Variants in ETFBKMT observed in about 807,000 individuals in gnomAD.
ETFBKMT encodes electron transfer flavoprotein subunit beta lysine methyltransferase.
In ETFBKMT, 13 loss-of-function variants were observed where a neutral mutation model predicts 18.3. The observed-to-expected ratio is 0.71, with a 90% confidence interval of 0.46 to 1.13. The LOEUF is 1.13. ETFBKMT is among the 50% of genes most tolerant of loss of function. ETFBKMT has a pLI of 0.00. For synonymous variants in ETFBKMT, 84 were observed against 107.9 expected (o/e 0.78, Z 1.37); for missense variants, 293 against 306.2 (o/e 0.96, Z 0.32).
intron 1 of ETFBKMT, among the ~76,000 whole-genome samples, chr12:31,661,250 G>A (rs950905151): frequency 3.9e-4 from 60 of 152,190 alleles, no homozygotes; most frequent in African/African-American, 1.4e-3. Flanking sequence ...TGAGGATACT[G>A]AAGGATGACT....
At chr12:31,649,767 T>TCC (rs1167196641) in intron 1 of ETFBKMT, among the ~76,000 whole-genome samples, 1 of 64,592 alleles carries the variant, frequency 1.5e-5, no homozygotes, top group Non-Finnish European at 2.8e-5. Flanking sequence ...TCTTTTCCTT[T>TCC]TCTTTTTTTT....
Position 31,671,985 on chromosome 12 carries a change from C to A in ETFBKMT, c.*3995C>A. 1 of 205,250 alleles carries A rather than the reference C, an allele frequency of 4.9e-6. No homozygotes were observed. The highest frequency in any genetic ancestry group is 9.8e-6 in the Non-Finnish European group (1 of 101,940). 12.7% of individuals were successfully genotyped at this position (205,250 alleles called of 1,614,324 possible). Reference sequence around the variant, plus strand: ...ATACCTACATAGGAGAAGGAAATCTCAAGGGAAAACAGTTAATTTTAAAGT... The same window carrying A: ...ATACCTACATAGGAGAAGGAAATCTAAAGGGAAAACAGTTAATTTTAAAGT... On this transcript the variant is annotated 3_prime_UTR_variant, in exon 4 of 4. Coordinates refer to ENST00000357721, the MANE Select transcript of ETFBKMT (RefSeq NM_001135863.2).
At chr12:31,648,665 C>T (rs1384880676) in intron 1 of ETFBKMT, among the ~76,000 whole-genome samples, 1 of 150,784 alleles carries the variant, frequency 6.6e-6, no homozygotes, top group Non-Finnish European at 1.5e-5. Context: ...GGGTTCTAGC[C>T]ATTCTCCTGC....
chr12:31,670,680 T>C lies in ETFBKMT; in HGVS notation c.*2690T>C, dbSNP rs1217525078. 6.6e-6 allele frequency: 1 copy of C among 152,198 alleles called. No homozygotes were observed. Among genetic ancestry groups the C allele is most frequent in the Admixed American group, 6.6e-5 (1 of 15,266 alleles). 9.4% of individuals were successfully genotyped at this position (152,198 alleles called of 1,614,324 possible). A position where few individuals can be genotyped will look rare whatever the true frequency, so the allele number is the denominator to read the frequency against. ...TTTGTAGACATGGAGTCTTGCTACA[T>C]TGGCCAGGCTGGGTATTACTGGGTA... On this transcript the variant is annotated 3_prime_UTR_variant, in exon 4 of 4. Coordinates refer to ENST00000357721, the MANE Select transcript of ETFBKMT (RefSeq NM_001135863.2).
In ETFBKMT at chr12:31,672,457, GTTAA is replaced by G. The variant is rs1214235748; in HGVS notation, c.*4471_*4474del. The G allele has an allele frequency of 7.2e-6, 7 of 977,076 alleles. No individual in the cohort carries two copies. Among genetic ancestry groups the G allele is most frequent in the Admixed American group, 6.0e-5 (3 of 49,860 alleles). 60.5% of individuals were successfully genotyped at this position (977,076 alleles called of 1,614,324 possible). On this transcript the variant is annotated 3_prime_UTR_variant, in exon 4 of 4. Transcript: ENST00000357721. ...TTCCTCATGTCTAACTGGAGGTGAT[GTTAA>G]TTATTATACAGTTATTTAAAGGATT... is the stretch of plus-strand genomic sequence containing the variant.
At chr12:31,653,136 G>A (rs1220119412) in intron 1 of ETFBKMT, among the ~76,000 whole-genome samples, 1 of 151,512 alleles carries the variant, frequency 6.6e-6, no homozygotes, top group African/African-American at 2.4e-5. Flanking sequence ...TTGAACCCAG[G>A]AGGCAGAGGT....
chr12:31,651,777 G>T (rs1036802247), intron 1 of ETFBKMT, among the ~76,000 whole-genome samples: 2 of 152,162 alleles, frequency 1.3e-5, no homozygotes, highest in African/African-American at 4.8e-5. Flanking sequence ...GAGTTTAGAA[G>T]AAATCACTTA....
upstream of ETFBKMT, among the ~76,000 whole-genome samples, chr12:31,656,783 G>A (rs1333156857): frequency 6.6e-6 from 1 of 152,094 alleles, no homozygotes; most frequent in Non-Finnish European, 1.5e-5. Flanking sequence ...CTTGTCTTCA[G>A]TCTTGCCCCG....
chr12:31,667,558 G>C, intron 3 of ETFBKMT, 89 bp from the exon 4 acceptor site: 1 of 989,808 alleles, frequency 1.0e-6, no homozygotes, highest in Non-Finnish European at 1.5e-6. Context: ...AAAATATATT[G>C]TTAGCAGATC....
intron 1 of ETFBKMT, among the ~76,000 whole-genome samples, chr12:31,651,494 T>C (rs1951017982): frequency 6.6e-6 from 1 of 151,932 alleles, no homozygotes; most frequent in African/African-American, 2.4e-5. Context: ...CACGCATGGC[T>C]AATTTTTGTA....
Position 31,669,673 on chromosome 12 carries a change from GTTTGT to G in ETFBKMT, c.*1687_*1691del, listed in dbSNP as rs929840211. On this transcript the variant is annotated 3_prime_UTR_variant, in exon 4 of 4. Coordinates refer to ENST00000357721, the MANE Select transcript of ETFBKMT (RefSeq NM_001135863.2). ...CCTAGGAGTGGGCCCCCTGGAGTTT[GTTTGT>G]TTTAATTTAACAAAGTTTAATTGAG... 1.3e-5 allele frequency: 2 copies of G among 152,174 alleles called. No individual in the cohort carries two copies. Among genetic ancestry groups the G allele is most frequent in the African/African-American group, 4.8e-5 (2 of 41,448 alleles). 9.4% of individuals were successfully genotyped at this position (152,174 alleles called of 1,614,324 possible).
intron 3 of ETFBKMT, among the ~76,000 whole-genome samples, chr12:31,666,692 C>T (rs1387501206): frequency 2.0e-5 from 3 of 151,980 alleles, no homozygotes; most frequent in African/African-American, 7.3e-5. Context: ...CCTCTGTCAC[C>T]CAGGCTGGAG....
rs1448036358 is a variant in ETFBKMT, at chr12:31,651,465, G to A, written c.-114+4210G>A. On this transcript the variant is annotated intron_variant, in intron 1 of 3. Transcript: ENST00000412352. ...TAGCCTCAGCCTCCCGAATAGCAGG[G>A]ATTACAGGTGCGTGCCACCACGCAT... 2.0e-5 allele frequency among the ~76,000 whole-genome samples: 3 copies of A among 152,142 alleles called. No individual in the cohort carries two copies. In the South Asian group the frequency reaches 6.2e-4, roughly 32 times the overall value.
At position 31,668,098 on chromosome 12, in the gene ETFBKMT, T is replaced by C; in HGVS notation, c.*108T>C. 1 of 881,110 alleles carries C rather than the reference T, an allele frequency of 1.1e-6. No individual in the cohort carries two copies. The highest frequency in any genetic ancestry group is 1.7e-6 in the Non-Finnish European group (1 of 592,078). 54.6% of individuals were successfully genotyped at this position (881,110 alleles called of 1,614,324 possible). On this transcript the variant is annotated 3_prime_UTR_variant, in exon 4 of 4. Coordinates refer to ENST00000357721, the MANE Select transcript of ETFBKMT (RefSeq NM_001135863.2). ...TTTAATGAATGTAATTCTTGTTAAA[T>C]GGAAAATCTTGTTTTTAAAATATGA...
intron 1 of ETFBKMT, among the ~76,000 whole-genome samples, chr12:31,650,698 AAGG>A (rs1166456464): frequency 6.6e-6 from 1 of 151,436 alleles, no homozygotes; most frequent in Non-Finnish European, 1.5e-5. Context: ...AAGGAGGGAT[AAGG>A]AGGTTAGTTC....
intron 2 of ETFBKMT, among the ~76,000 whole-genome samples, chr12:31,664,590 C>T (rs1951169619): frequency 6.6e-6 from 1 of 150,644 alleles, no homozygotes. Context: ...TTAGGAGGCA[C>T]AGTATTTATA....
chr12:31,664,679 CA>C (rs1951171717), intron 2 of ETFBKMT, among the ~76,000 whole-genome samples: 1 of 147,264 alleles, frequency 6.8e-6, no homozygotes, highest in Non-Finnish European at 1.5e-5. Context: ...TGCAATGGCA[CA>C]ATCTTGGCAG....
chr12:31,647,438 A>G (rs1436523969), intron 1 of ETFBKMT, among the ~76,000 whole-genome samples: 1 of 152,186 alleles, frequency 6.6e-6, no homozygotes, highest in African/African-American at 2.4e-5. Context: ...CCAGCTATTT[A>G]TGAGCCCTCA....
intron 2 of ETFBKMT, 31 bp from the exon 3 acceptor site, chr12:31,666,056 C>T (rs1951190192): frequency 6.3e-7 from 1 of 1,595,676 alleles, no homozygotes; most frequent in Non-Finnish European, 8.5e-7. Context: ...TTCCTCATCT[C>T]TCTGAGACAT....
Sources: allele counts gnomAD v4.1 joint callset (sites outside exome capture counted in the v4.1 genomes callset), GRCh38; gene constraint gnomAD v4.1.1; transcripts MANE v1.5; gene names NCBI Gene and HGNC (gene_info 2026-07-23, HGNC 2026-07-21).